The following ZNF254 variants were observed in gnomAD, a reference collection of about 807,000 sequenced individuals.
The protein encoded by ZNF254 is zinc finger protein 254, also known as CTD-2017D11.1.
In ZNF254, 10 loss-of-function variants were observed where a neutral mutation model predicts 12.4. The ratio of observed to expected loss-of-function variants is 0.80; its 90% CI spans 0.50 to 1.36. The LOEUF (loss-of-function observed/expected upper bound fraction) is 1.36. Ranked by LOEUF, ZNF254 falls within the 40% of genes most tolerant of loss-of-function variation. The pLI is 0.00. For synonymous variants in ZNF254, 305 were observed against 253.4 expected, an observed-to-expected ratio of 1.20 and a Z score of -1.93; for missense variants, 996 against 763.9, an observed-to-expected ratio of 1.30 and a Z score of -3.58.
rs909303969 is a variant in ZNF254, at chr19:24,129,792, A to G, written c.*1812A>G. ...TTTTATGGTCATAATAAAAAATTTT[A>G]TACAAACGTGTAAAATCTATACATT... On this transcript the variant is annotated 3_prime_UTR_variant, in exon 4 of 4. Coordinates refer to ENST00000357002, the MANE Select transcript of ZNF254 (RefSeq NM_203282.4). 2.0e-5 allele frequency: 3 copies of G among 151,984 alleles called. No homozygotes were observed. The highest frequency in any genetic ancestry group is 7.2e-5 in the African/African-American group (3 of 41,446). 9.4% of individuals were successfully genotyped at this position (151,984 alleles called of 1,614,324 possible). A position where few individuals can be genotyped will look rare whatever the true frequency, so the allele number is the denominator to read the frequency against.
At chr19:24,039,095 G>A (rs1467158395) in intron 1 of ZNF254, among the ~76,000 whole-genome samples, 2 of 152,216 alleles carry the variant, frequency 1.3e-5, no homozygotes, top group Admixed American at 1.3e-4. Flanking sequence ...CAGTCTTCAT[G>A]TGGGGATTTC....
intron 1 of ZNF254, among the ~76,000 whole-genome samples, chr19:24,089,510 G>A (rs1440749496): frequency 6.6e-6 from 1 of 151,782 alleles, no homozygotes; most frequent in African/African-American, 2.4e-5. Context: ...GTCACCATTC[G>A]GTTTTCTTGG....
At chr19:24,039,958 G>A (rs781051162) in intron 1 of ZNF254, among the ~76,000 whole-genome samples, 4 of 152,192 alleles carry the variant, frequency 2.6e-5, no homozygotes, top group Non-Finnish European at 4.4e-5. Context: ...TGGTTAAGTC[G>A]GTTGTTAGTG....
chr19:24,042,800 C>G (rs919007173), intron 1 of ZNF254, among the ~76,000 whole-genome samples: 1 of 152,168 alleles, frequency 6.6e-6, no homozygotes, highest in Non-Finnish European at 1.5e-5. Context: ...ATTATGGGCC[C>G]ATCTGTGCAT....
chr19:24,054,488 ACT>A (rs1348653897), intron 2 of ZNF254, among the ~76,000 whole-genome samples: 1 of 152,148 alleles, frequency 6.6e-6, no homozygotes, highest in East Asian at 1.9e-4. Context: ...GAATTGCCAC[ACT>A]CTAACATATT....
intron 1 of ZNF254, among the ~76,000 whole-genome samples, chr19:24,045,735 C>CTAGCTAGA (rs1970359978): frequency 6.6e-6 from 1 of 151,726 alleles, no homozygotes; most frequent in African/African-American, 2.4e-5. Context: ...GAGCGCTAGC[C>CTAGCTAGA]ATCTCTCGGT....
chr19:24,034,770 C>T (rs148617874), intron 1 of ZNF254, among the ~76,000 whole-genome samples: 54 of 149,966 alleles, frequency 3.6e-4, no homozygotes, highest in African/African-American at 1.2e-3. Context: ...AGCCACTGTG[C>T]CTGGCAAGAA....
intron 2 of ZNF254, among the ~76,000 whole-genome samples, chr19:24,077,952 G>T (rs1289333139): frequency 1.3e-5 from 2 of 152,302 alleles, no homozygotes; most frequent in East Asian, 3.9e-4. Flanking sequence ...AAAGAGCTTG[G>T]AACAGTCTCA....
chr19:24,081,416 C>G (rs1001604218), intron 2 of ZNF254, among the ~76,000 whole-genome samples: 1 of 152,102 alleles, frequency 6.6e-6, no homozygotes, highest in African/African-American at 2.4e-5. Context: ...ACAGGGGACA[C>G]TTATTGAAAT....
At chr19:24,084,885 C>A (rs1450337440), upstream of ZNF254, among the ~76,000 whole-genome samples, 1 of 151,264 alleles carries the variant, frequency 6.6e-6, no homozygotes, top group East Asian at 1.9e-4. Flanking sequence ...TCTTGGCCTC[C>A]CAAAGTGCTG....
Position 24,126,687 on chromosome 19 carries a change from G to C in ZNF254, c.687G>C (p.Arg229Ser). 6.2e-7 allele frequency: 1 copy of C among 1,613,212 alleles called. No homozygotes were observed. Among genetic ancestry groups the C allele is most frequent in the Non-Finnish European group, 8.5e-7 (1 of 1,179,720 alleles). The change falls in exon 4 of 4, where the codon AGG (arginine) becomes AGC (serine). Residue 229 changes from arginine to serine, a missense_variant. By Grantham distance (110) the Arg-to-Ser change is moderately radical. Transcript: ENST00000357002. ...FNWSSTLTNH[R>S]KIYTEEKPYK... ...GGTCCTCAACCCTTACTAATCATAG[G>C]AAAATTTATACTGAAGAGAAACCTT... is the stretch of plus-strand genomic sequence containing the variant.
intron 2 of ZNF254, among the ~76,000 whole-genome samples, chr19:24,067,866 G>A (rs938572108): frequency 2.0e-5 from 3 of 152,082 alleles, no homozygotes; most frequent in Non-Finnish European, 4.4e-5. Flanking sequence ...ATAAGCCCTG[G>A]CCACAAGAGT....
chr19:24,107,212 T>C, intron 3 of ZNF254: 1 of 652,008 alleles, frequency 1.5e-6, no homozygotes, highest in Non-Finnish European at 2.7e-6. Flanking sequence ...CATGTCCATT[T>C]TAGGATTGGA....
At chr19:24,059,554 A>G (rs897755015) in intron 2 of ZNF254, among the ~76,000 whole-genome samples, 1 of 152,054 alleles carries the variant, frequency 6.6e-6, no homozygotes, top group African/African-American at 2.4e-5. Flanking sequence ...TCCCAAAAAG[A>G]GAGTTTGATA....
At chr19:24,087,101 G>T, upstream of ZNF254, 1 of 558,320 alleles carries the variant, frequency 1.8e-6, no homozygotes, top group South Asian at 1.8e-5. Flanking sequence ...GGCCTTAAAC[G>T]TTATCCAACT....
intron 1 of ZNF254, 88 bp downstream of exon 1, chr19:24,087,425 C>A (rs1756081842): frequency 2.6e-6 from 4 of 1,547,574 alleles, no homozygotes; most frequent in South Asian, 2.2e-5. Context: ...CAGGCCTCCC[C>A]CCAGTCAGCT....
At chr19:24,042,291 G>A (rs923328636) in intron 1 of ZNF254, among the ~76,000 whole-genome samples, 5 of 152,212 alleles carry the variant, frequency 3.3e-5, no homozygotes, top group South Asian at 2.1e-4. Flanking sequence ...ACCAATCAGC[G>A]CCCTGACAAA....
In ZNF254 at chr19:24,113,940, G is replaced by T. The variant is rs1213870708; in HGVS notation, c.253+7297G>T. On this transcript the variant is annotated intron_variant, in intron 3 of 3. Transcript: ENST00000357002. ...CTCCCATTCATAATTGCTTCGAAGAGAATAAAATACCTAGGAATCCAACTT... is the reference window on the plus strand; with the variant it reads ...CTCCCATTCATAATTGCTTCGAAGATAATAAAATACCTAGGAATCCAACTT... Among the ~76,000 whole-genome samples the T allele has an allele frequency of 7.2e-5, 11 of 152,244 alleles. No homozygotes were observed. In the South Asian group the frequency reaches 1.7e-3, roughly 23 times the overall value.
Position 24,118,281 on chromosome 19 carries a change from T to G in ZNF254, c.254-7973T>G, listed in dbSNP as rs536089187. The stretch of plus-strand genomic sequence containing the variant: ...GTTGATCAGGCTGGTCTTGAACTCC[T>G]GACCTCAAAATCCGCCCGCATCAGC... On this transcript the variant is annotated intron_variant, in intron 3 of 3. Transcript: ENST00000357002. Among the ~76,000 whole-genome samples the G allele has an allele frequency of 2.1e-3, 320 of 152,206 alleles. 3 individuals carry two copies. Among genetic ancestry groups the G allele is most frequent in the Non-Finnish European group, 1.5e-3 (105 of 68,002 alleles).
Sources: allele counts gnomAD v4.1 joint callset (sites outside exome capture counted in the v4.1 genomes callset), GRCh38; gene constraint gnomAD v4.1.1; transcripts MANE v1.5; gene names NCBI Gene and HGNC (gene_info 2026-07-23, HGNC 2026-07-21).